The following SFXN1 variants were observed in gnomAD, a reference collection of about 807,000 sequenced individuals.
SFXN1 encodes the protein sideroflexin-1.
In SFXN1, 32 loss-of-function variants were observed where a neutral mutation model predicts 39.5. The ratio of observed to expected loss-of-function variants is 0.81; its 90% CI spans 0.61 to 1.09. The LOEUF (loss-of-function observed/expected upper bound fraction) is 1.09, where lower values mean the gene tolerates loss of function less well. Among genes scored for constraint, SFXN1 ranks in the 50% least tolerant of loss-of-function variants. The pLI is 0.00. For missense variants in SFXN1, 402 were observed against 407.1 expected (o/e 0.99, Z 0.11); for synonymous variants, 136 against 146.5 (o/e 0.93, Z 0.52).
intron 8 of SFXN1, among the ~76,000 whole-genome samples, chr5:175,521,187 T>C (rs1318387532): frequency 6.6e-6 from 1 of 152,106 alleles, no homozygotes; most frequent in African/African-American, 2.4e-5. Context: ...GTACCACTCC[T>C]TTTTTAAAAC....
chr5:175,523,872 G>A (rs770236481), intron 10 of SFXN1: 10 of 151,724 alleles, frequency 6.6e-5, no homozygotes, highest in Non-Finnish European at 1.5e-4. Context: ...GGCTTCTTGA[G>A]GTCTCTGGCT....
At chr5:175,510,008 C>G (rs1022477183) in intron 3 of SFXN1, 101 bp from the exon 4 acceptor site, 5 of 894,032 alleles carry the variant, frequency 5.6e-6, no homozygotes, top group Non-Finnish European at 8.9e-6. Flanking sequence ...TTCTCCCTTC[C>G]CCAGTACGTC....
intron 2 of SFXN1, among the ~76,000 whole-genome samples, chr5:175,502,514 G>C (rs1223385832): frequency 6.6e-6 from 1 of 152,188 alleles, no homozygotes; most frequent in East Asian, 1.9e-4. Context: ...TTTTGCAAAA[G>C]CAGTTTCAGA....
At chr5:175,499,577 A>T (rs1759994592) in intron 2 of SFXN1, among the ~76,000 whole-genome samples, 1 of 152,230 alleles carries the variant, frequency 6.6e-6, no homozygotes, top group South Asian at 2.1e-4. Flanking sequence ...ATATCAATAG[A>T]TGCAGAAAAA....
At chr5:175,493,222 T>C (rs1218333974) in intron 2 of SFXN1, among the ~76,000 whole-genome samples, 2 of 151,704 alleles carry the variant, frequency 1.3e-5, no homozygotes, top group Non-Finnish European at 2.9e-5. Context: ...CACTCGCCAC[T>C]GCACTCCAGC....
chr5:175,483,006 C>T (rs528876552), intron 1 of SFXN1, among the ~76,000 whole-genome samples: 1 of 152,044 alleles, frequency 6.6e-6, no homozygotes, highest in African/African-American at 2.4e-5. Context: ...ATATGGAAGG[C>T]GTAAGTTAAT....
intron 2 of SFXN1, among the ~76,000 whole-genome samples, chr5:175,497,971 G>C (rs931346039): frequency 6.7e-6 from 1 of 148,762 alleles, no homozygotes; most frequent in African/African-American, 2.5e-5. Context: ...ATTGTAGTAG[G>C]AAATTCTAAC....
intron 6 of SFXN1, among the ~76,000 whole-genome samples, chr5:175,513,081 A>AC (rs1364151874): frequency 2.0e-5 from 3 of 152,082 alleles, no homozygotes; most frequent in Non-Finnish European, 2.9e-5. Flanking sequence ...CGAGTGGATC[A>AC]CCTGAGGTCA....
intron 1 of SFXN1, among the ~76,000 whole-genome samples, chr5:175,482,330 A>G (rs1035833707): frequency 5.9e-5 from 9 of 152,236 alleles, no homozygotes; most frequent in African/African-American, 2.2e-4. Context: ...TCTTTAGCCA[A>G]GATTAAAGGT....
chr5:175,491,717 G>A (rs1581269910), intron 1 of SFXN1: 1 of 157,750 alleles, frequency 6.3e-6, no homozygotes. Context: ...AAACGCCTGG[G>A]CTCAAGGGAT....
chr5:175,509,085 ACATCT>A lies in SFXN1; in HGVS notation c.219_223del (p.Tyr73Ter). 1 of 1,613,890 alleles carries A rather than the reference ACATCT, an allele frequency of 6.2e-7. No homozygotes were observed. The highest frequency in any genetic ancestry group is 1.1e-5 in the South Asian group (1 of 91,002). Reference sequence around the variant, plus strand: ...GAAAATGAATTGTGGAGAGCAAAGTACATCTATGATTCAGCTTTTCATCCTGACAC... The same window carrying A: ...GAAAATGAATTGTGGAGAGCAAAGTAATGATTCAGCTTTTCATCCTGACAC... On this transcript the variant is annotated stop_gained and frameshift_variant, in exon 3 of 11. Coordinates refer to ENST00000321442, the MANE Select transcript of SFXN1 (RefSeq NM_022754.7). LOFTEE classifies it high-confidence loss of function.
chr5:175,500,228 GT>G (rs1332748911), intron 2 of SFXN1, among the ~76,000 whole-genome samples: 1 of 151,266 alleles, frequency 6.6e-6, no homozygotes, highest in African/African-American at 2.4e-5. Context: ...GGATAAATGG[GT>G]TTAGTAAGGT....
chr5:175,516,537 G>A (rs1760720065), intron 7 of SFXN1, 77 bp from the exon 8 acceptor site: 2 of 1,327,292 alleles, frequency 1.5e-6, no homozygotes, highest in South Asian at 1.3e-5. Flanking sequence ...GAAGCTTTCT[G>A]TCAAATGGTT....
chr5:175,495,811 TATAA>T (rs1467308288), intron 2 of SFXN1, among the ~76,000 whole-genome samples: 1 of 151,522 alleles, frequency 6.6e-6, no homozygotes, highest in Non-Finnish European at 1.5e-5. Flanking sequence ...AAGAAAGTCA[TATAA>T]ATAGACAAGT....
intron 1 of SFXN1, among the ~76,000 whole-genome samples, chr5:175,480,357 C>T (rs1289522653): frequency 6.6e-6 from 1 of 151,764 alleles, no homozygotes; most frequent in Admixed American, 6.6e-5. Context: ...GCCGAGATCG[C>T]GCCACTGCAC....
chr5:175,504,024 A>AC (rs1760194406), intron 2 of SFXN1, among the ~76,000 whole-genome samples: 1 of 137,160 alleles, frequency 7.3e-6, no homozygotes, highest in African/African-American at 3.2e-5. Context: ...AAAAAAAGGG[A>AC]TCCTATGGAA....
chr5:175,523,356 C>A (rs1760937193), intron 10 of SFXN1: 1 of 152,140 alleles, frequency 6.6e-6, no homozygotes, highest in Non-Finnish European at 1.5e-5. Context: ...AGATGAATTT[C>A]CTCATCTCTA....
chr5:175,507,973 TAAAAA>T (rs74722265), intron 2 of SFXN1, among the ~76,000 whole-genome samples: 1 of 124,298 alleles, frequency 8.0e-6, no homozygotes, highest in Admixed American at 7.9e-5. Flanking sequence ...ACCCTGTCTT[TAAAAA>T]AAAAAAAAAA....
At chr5:175,499,219 C>T (rs982537434) in intron 2 of SFXN1, among the ~76,000 whole-genome samples, 2 of 151,490 alleles carry the variant, frequency 1.3e-5, no homozygotes, top group Admixed American at 6.6e-5. Flanking sequence ...GGCACCACTG[C>T]ACTCCAGCCT....
Sources: allele counts gnomAD v4.1 joint callset (sites outside exome capture counted in the v4.1 genomes callset), GRCh38; gene constraint gnomAD v4.1.1; transcripts MANE v1.5; gene names NCBI Gene and HGNC (gene_info 2026-07-23, HGNC 2026-07-21).